TENM4: variants seen among roughly 807,000 people sequenced by gnomAD.
TENM4 encodes teneurin transmembrane protein 4.
Under a neutral mutation model 243.3 loss-of-function variants are expected in TENM4, and 82 were observed. The ratio of observed to expected loss-of-function variants is 0.34; its 90% CI spans 0.28 to 0.40. TENM4 has a LOEUF of 0.40. Ranked by LOEUF, TENM4 falls within the 10% of genes least tolerant of loss-of-function variation. TENM4 has a pLI of 1.00. For missense variants in TENM4, 3,138 were observed against 3,673.3 expected, an observed-to-expected ratio of 0.85 and a Z score of 3.77; for synonymous variants, 1,412 against 1,456.3, an observed-to-expected ratio of 0.97 and a Z score of 0.69.
chr11:79,214,260 G>C (rs1443667933), intron 3 of TENM4, among the ~76,000 whole-genome samples: 3 of 152,182 alleles, frequency 2.0e-5, no homozygotes, highest in African/African-American at 7.2e-5. Flanking sequence ...CTCCCAAAGT[G>C]CTGGGATTAC....
intron 1 of TENM4, among the ~76,000 whole-genome samples, chr11:79,423,692 G>A (rs1365780890): frequency 6.6e-6 from 1 of 152,032 alleles, no homozygotes; most frequent in East Asian, 1.9e-4. Context: ...AGGGTTAAAT[G>A]TGAGGCCAGA....
In TENM4 at chr11:78,986,911, C is replaced by T. The variant is rs1321080310; in HGVS notation, c.493+77827G>A. 3.9e-5 allele frequency among the ~76,000 whole-genome samples: 6 copies of T among 152,182 alleles called. No homozygotes were observed. In the East Asian group the frequency reaches 1.2e-3, roughly 29 times the overall value. ...TTTCATCGTAAGCAAATCACTTAAC[C>T]TCTGTGAGTCCAGTTCCCTCAACTG... On this transcript the variant is annotated intron_variant, in intron 6 of 33. Transcript: ENST00000278550.
intron 3 of TENM4, among the ~76,000 whole-genome samples, chr11:79,200,077 T>A (rs927195622): frequency 1.3e-5 from 2 of 152,202 alleles, no homozygotes; most frequent in Non-Finnish European, 2.9e-5. Context: ...TCTAGAAGCA[T>A]CCAGTCACTC....
At chr11:78,771,235 T>C (rs1856641321) in intron 17 of TENM4, 97 bp from the exon 18 acceptor site, 1 of 1,452,660 alleles carries the variant, frequency 6.9e-7, no homozygotes. Context: ...AATGCCTTCA[T>C]ATCCATCAGC....
intron 15 of TENM4, among the ~76,000 whole-genome samples, chr11:78,802,483 G>A (rs1308044252): frequency 1.3e-5 from 2 of 152,344 alleles, no homozygotes; most frequent in Admixed American, 6.5e-5. Context: ...CAGTTGAAAT[G>A]CCCTCATTCT....
intron 4 of TENM4, among the ~76,000 whole-genome samples, chr11:79,140,073 A>C (rs564971802): frequency 2.0e-5 from 3 of 151,760 alleles, no homozygotes; most frequent in African/African-American, 7.2e-5. Flanking sequence ...AGAGCCCTTC[A>C]CATCTGCCCC....
chr11:78,791,051 C>T (rs1228055062), intron 15 of TENM4, among the ~76,000 whole-genome samples: 3 of 152,094 alleles, frequency 2.0e-5, no homozygotes, highest in East Asian at 3.9e-4. Flanking sequence ...TGAGCTCTTA[C>T]ACATTTTAAT....
At chr11:78,856,480 T>C (rs186676684) in intron 10 of TENM4, among the ~76,000 whole-genome samples, 1 of 152,232 alleles carries the variant, frequency 6.6e-6, no homozygotes, top group African/African-American at 2.4e-5. Flanking sequence ...TGTTAAGATA[T>C]ATTTTGATCC....
intron 1 of TENM4, among the ~76,000 whole-genome samples, chr11:79,430,779 T>C (rs1859150907): frequency 6.6e-6 from 1 of 152,196 alleles, no homozygotes; most frequent in South Asian, 2.1e-4. Flanking sequence ...TTTCCATCTT[T>C]GAAGTTGATG....
chr11:79,111,852 T>C (rs1049792718), intron 4 of TENM4, among the ~76,000 whole-genome samples: 1 of 151,466 alleles, frequency 6.6e-6, no homozygotes. Flanking sequence ...TCAAGAAGAG[T>C]CTCAGAGAGG....
chr11:79,057,107 T>C (rs1173446070), intron 6 of TENM4, among the ~76,000 whole-genome samples: 2 of 152,210 alleles, frequency 1.3e-5, no homozygotes, highest in Non-Finnish European at 2.9e-5. Flanking sequence ...TGAGCACCTG[T>C]TGTCTCTCTC....
rs1308665733 is a variant in TENM4, at chr11:79,337,070, G to A, written c.-320-39527C>T. Among the ~76,000 whole-genome samples the A allele has an allele frequency of 2.6e-5, 4 of 152,336 alleles. No homozygotes were observed. In the East Asian group the frequency reaches 5.8e-4, roughly 22 times the overall value. ...TAACTGTTCCTGATTAAAGCAACTG[G>A]CCTAAAGCCAGCAAAGCTAGCCTTT... On this transcript the variant is annotated intron_variant, in intron 1 of 33. Transcript: ENST00000278550.
chr11:78,841,693 C>G (rs915387911), intron 12 of TENM4, among the ~76,000 whole-genome samples: 2 of 152,136 alleles, frequency 1.3e-5, no homozygotes, highest in Admixed American at 6.5e-5. Context: ...GACAGCACGT[C>G]CAGGGCTTCC....
In TENM4 at chr11:78,764,461, C is replaced by T. The variant is rs994279412; in HGVS notation, c.2539+6531G>A. Among the ~76,000 whole-genome samples the T allele has an allele frequency of 1.4e-4, 21 of 152,214 alleles. 1 individual carries two copies. Among genetic ancestry groups the T allele is most frequent in the Non-Finnish European group, 5.9e-5 (4 of 68,026 alleles). Reference sequence around the variant, plus strand: ...AATTGACTTGTTTATTTCTGTATCTCAAATGCACAGCACAGTGCTTTGCAC... The same window carrying T: ...AATTGACTTGTTTATTTCTGTATCTTAAATGCACAGCACAGTGCTTTGCAC... On this transcript the variant is annotated intron_variant, in intron 18 of 33. Transcript: ENST00000278550.
At chr11:79,333,847 C>T (rs2135449089) in intron 1 of TENM4, among the ~76,000 whole-genome samples, 1 of 152,302 alleles carries the variant, frequency 6.6e-6, no homozygotes, top group Admixed American at 6.5e-5. Flanking sequence ...GATCATCTAG[C>T]CAGTAAGTCA....
At chr11:78,697,434 T>A (rs1458043052) in intron 28 of TENM4, among the ~76,000 whole-genome samples, 1 of 152,214 alleles carries the variant, frequency 6.6e-6, no homozygotes, top group South Asian at 2.1e-4. Context: ...TTGGGCATGA[T>A]GCACTTTCCA....
chr11:79,343,913 C>A (rs1857283663), intron 1 of TENM4, among the ~76,000 whole-genome samples: 4 of 152,208 alleles, frequency 2.6e-5, no homozygotes, highest in Admixed American at 2.6e-4. Context: ...CCACGGTGGA[C>A]ATCCCCTTAG....
intron 1 of TENM4, among the ~76,000 whole-genome samples, chr11:79,330,964 AAAC>A (rs1434227578): frequency 1.3e-5 from 2 of 152,192 alleles, no homozygotes; most frequent in Non-Finnish European, 2.9e-5. Flanking sequence ...TCTGCAGATG[AAAC>A]AACATGAATA....
chr11:79,006,916 G>A (rs895521805), intron 6 of TENM4, among the ~76,000 whole-genome samples: 1 of 152,314 alleles, frequency 6.6e-6, no homozygotes, highest in East Asian at 1.9e-4. Context: ...CATTTAAATT[G>A]GTGGACTTCG....
Sources: allele counts gnomAD v4.1 joint callset (sites outside exome capture counted in the v4.1 genomes callset), GRCh38; gene constraint gnomAD v4.1.1; transcripts MANE v1.5; gene names NCBI Gene and HGNC (gene_info 2026-07-23, HGNC 2026-07-21).